NRXN3: variants seen among roughly 807,000 people sequenced by gnomAD.
NRXN3 encodes the protein neurexin III.
In NRXN3, 32 loss-of-function variants were observed where a neutral mutation model predicts 137.6. That is an observed-to-expected ratio of 0.23 (90% CI 0.18 to 0.31). The LOEUF (loss-of-function observed/expected upper bound fraction) is 0.31. Among genes scored for constraint, NRXN3 ranks in the 10% least tolerant of loss-of-function variants. The probability of loss-of-function intolerance (pLI) is 1.00; values close to 1 mark genes in which losing one functional copy is unlikely to be tolerated. For missense variants in NRXN3, 1,574 were observed against 2,062.5 expected, an observed-to-expected ratio of 0.76 and a Z score of 4.59; for synonymous variants, 798 against 784.5, an observed-to-expected ratio of 1.02 and a Z score of -0.29.
At chr14:78,228,659 G>A (rs911257991) in intron 1 of NRXN3, among the ~76,000 whole-genome samples, 2 of 152,154 alleles carry the variant, frequency 1.3e-5, no homozygotes, top group South Asian at 2.1e-4. Context: ...AGAACACTGA[G>A]GTTCAGGGAG....
chr14:79,692,124 C>T (rs758753087), intron 17 of NRXN3, 49 bp from the exon 18 acceptor site: 1 of 1,402,666 alleles, frequency 7.1e-7, no homozygotes, highest in Non-Finnish European at 9.8e-7. Context: ...TTTTTAATGA[C>T]TTATTGACTT....
At chr14:79,493,437 G>C (rs771962918) in intron 16 of NRXN3, among the ~76,000 whole-genome samples, 3 of 152,244 alleles carry the variant, frequency 2.0e-5, no homozygotes, top group Non-Finnish European at 4.4e-5. Context: ...GTGTCTCCTT[G>C]ATAGATGCAT....
At chr14:78,329,677 A>T (rs2080546964) in intron 4 of NRXN3, among the ~76,000 whole-genome samples, 1 of 152,086 alleles carries the variant, frequency 6.6e-6, no homozygotes, top group Non-Finnish European at 1.5e-5. Flanking sequence ...AAGGGGGAAA[A>T]ATCCAGTAGG....
intron 17 of NRXN3, among the ~76,000 whole-genome samples, chr14:79,684,652 C>A (rs1334785355): frequency 6.6e-6 from 1 of 152,122 alleles, no homozygotes; most frequent in Non-Finnish European, 1.5e-5. Flanking sequence ...TCCTCCCAAA[C>A]CTCCTCCCTG....
At chr14:79,302,418 A>C (rs998076798) in intron 15 of NRXN3, among the ~76,000 whole-genome samples, 4 of 151,966 alleles carry the variant, frequency 2.6e-5, no homozygotes, top group African/African-American at 9.7e-5. Flanking sequence ...GTGGAAGGTA[A>C]AGAAAGGGCA....
chr14:79,525,104 A>C (rs879703104), intron 16 of NRXN3, among the ~76,000 whole-genome samples: 1 of 152,150 alleles, frequency 6.6e-6, no homozygotes, highest in Non-Finnish European at 1.5e-5. Flanking sequence ...AGGTCTTATG[A>C]CTAGCTTTGA....
intron 2 of NRXN3, among the ~76,000 whole-genome samples, chr14:78,270,995 C>A (rs78978862): frequency 0.054 from 8,176 of 152,256 alleles, 456 homozygotes; most frequent in African/African-American, 0.14. Flanking sequence ...ACTTCAGCTA[C>A]CGTGTGTGTT....
rs532969092 is a variant in NRXN3, at chr14:79,517,544, G to C, written c.3444+50142G>C. On this transcript the variant is annotated intron_variant, in intron 16 of 20. Coordinates refer to ENST00000335750, the MANE Select transcript of NRXN3 (RefSeq NM_001330195.2). ...TTAGAAGGGAGGACTTCATATTCTA[G>C]AGTGGTAAAGTAATTCTTCATGGTT... 7.9e-5 allele frequency among the ~76,000 whole-genome samples: 12 copies of C among 152,192 alleles called. No homozygotes were observed. In the South Asian group the frequency reaches 2.3e-3, roughly 29 times the overall value.
chr14:79,286,251 GAACT>G (rs2082235458), intron 15 of NRXN3, among the ~76,000 whole-genome samples: 1 of 152,008 alleles, frequency 6.6e-6, no homozygotes, highest in Admixed American at 6.6e-5. Context: ...ACTCCTTTAT[GAACT>G]ACAGTTGTTT....
chr14:78,803,608 C>G lies in NRXN3; in HGVS notation c.2045-12C>G. On this transcript the variant is annotated splice_polypyrimidine_tract_variant and intron_variant, in intron 8 of 20. Coordinates refer to ENST00000335750, the MANE Select transcript of NRXN3 (RefSeq NM_001330195.2). ...CGTCATCCTAACGATCTTCTCCATT[C>G]TTCTTTGGCAGAGGCATCCATCCTG... is the stretch of plus-strand genomic sequence containing the variant. 1 of 1,613,414 alleles carries G rather than the reference C, an allele frequency of 6.2e-7. No individual in the cohort carries two copies. Among genetic ancestry groups the G allele is most frequent in the Non-Finnish European group, 8.5e-7 (1 of 1,179,386 alleles).
chr14:78,294,113 T>G (rs538855313), intron 3 of NRXN3, among the ~76,000 whole-genome samples: 1 of 152,328 alleles, frequency 6.6e-6, no homozygotes, highest in South Asian at 2.1e-4. Context: ...AATTAATCAT[T>G]TGACACTTAG....
In NRXN3 at chr14:79,056,440, A is replaced by G. The variant is rs1006312416; in HGVS notation, c.3262+68299A>G. 5.3e-5 allele frequency among the ~76,000 whole-genome samples: 8 copies of G among 152,060 alleles called. No individual in the cohort carries two copies. In the East Asian group the frequency reaches 1.2e-3, roughly 22 times the overall value. ...CATTTTTAAATGATGTGCAAGTTCT[A>G]TAGACTGGGTAACAGTGTACATAAC... On this transcript the variant is annotated intron_variant, in intron 15 of 20. Transcript: ENST00000335750.
intron 2 of NRXN3, among the ~76,000 whole-genome samples, chr14:78,251,329 G>C (rs969236417): frequency 1.3e-5 from 2 of 152,200 alleles, no homozygotes; most frequent in African/African-American, 4.8e-5. Flanking sequence ...GTGTGTGAGA[G>C]GGGGAGATGA....
At chr14:79,710,277 C>T (rs1006302430) in intron 19 of NRXN3, among the ~76,000 whole-genome samples, 23 of 151,966 alleles carry the variant, frequency 1.5e-4, no homozygotes, top group African/African-American at 5.1e-4. Flanking sequence ...AGAATAATTT[C>T]GTTGCTCTGT....
chr14:78,456,799 CTCTTTCTTTCTTTCTTTCTT>C (rs374674586), intron 4 of NRXN3, among the ~76,000 whole-genome samples: 281 of 97,686 alleles, frequency 2.9e-3, no homozygotes, highest in African/African-American at 8.8e-3. Flanking sequence ...CTCTCTTTCT[CTCTTTCTTTCTTTCTTTCTT>C]TCTTTCTTTC....
intron 4 of NRXN3, among the ~76,000 whole-genome samples, chr14:78,374,153 G>T (rs953005549): frequency 2.0e-5 from 3 of 152,104 alleles, no homozygotes; most frequent in Non-Finnish European, 2.9e-5. Flanking sequence ...AACTAATACC[G>T]TAAATATTAT....
rs551862730 is a variant in NRXN3 at position 78,774,424 on chromosome 14, C to T, written c.2045-29196C>T. On this transcript the variant is annotated intron_variant, in intron 8 of 20. Coordinates refer to ENST00000335750, the MANE Select transcript of NRXN3 (RefSeq NM_001330195.2). ...GAATAATTGGATAGTTTGAGGGGTA[C>T]CATGATTTCTTACATGTTGTACAAC... 3.3e-5 allele frequency among the ~76,000 whole-genome samples: 5 copies of T among 152,204 alleles called. No individual in the cohort carries two copies. The East Asian group carries it at 9.7e-4, about 29-fold the overall frequency.
At chr14:79,178,251 A>T (rs574771838) in intron 15 of NRXN3, among the ~76,000 whole-genome samples, 1 of 152,202 alleles carries the variant, frequency 6.6e-6, no homozygotes, top group Admixed American at 6.5e-5. Context: ...CAATACTTAC[A>T]TGCAATTTTT....
chr14:79,691,560 C>T (rs973081201), intron 17 of NRXN3, among the ~76,000 whole-genome samples: 1 of 152,020 alleles, frequency 6.6e-6, no homozygotes, highest in African/African-American at 2.4e-5. Context: ...CTTATCTGTA[C>T]TGATCTACCT....
Sources: gnomAD v4.1 joint callset for allele counts (sites outside exome capture counted in the v4.1 genomes callset) on GRCh38, gnomAD v4.1.1 for gene constraint, MANE v1.5 for transcripts, NCBI Gene and HGNC (gene_info 2026-07-23, HGNC 2026-07-21) for gene names.